NAALADL2: variants seen among roughly 807,000 people sequenced by gnomAD.
The protein encoded by NAALADL2 is N-acetylated alpha-linked acidic dipeptidase like 2.
A neutral mutation model predicts 87.2 loss-of-function variants in NAALADL2; 76 were observed. The ratio of observed to expected loss-of-function variants is 0.87; its 90% CI spans 0.72 to 1.05. The LOEUF (loss-of-function observed/expected upper bound fraction) is 1.05. NAALADL2 is among the 50% of genes least tolerant of loss of function. The probability of loss-of-function intolerance (pLI) is 0.00; values close to 1 mark genes in which losing one functional copy is unlikely to be tolerated. For missense variants in NAALADL2, 1,089 were observed against 945.8 expected (o/e 1.15, Z -1.99); for synonymous variants, 354 against 331.0 (o/e 1.07, Z -0.75).
At chr3:174,951,445 G>C (rs1027503253) in intron 1 of NAALADL2, among the ~76,000 whole-genome samples, 3 of 152,040 alleles carry the variant, frequency 2.0e-5, no homozygotes, top group Admixed American at 6.6e-5. Flanking sequence ...TAGGCGGAGT[G>C]AATTTATTAT....
chr3:174,750,035 A>T (rs1450356338), intron 3 of NAALADL2, among the ~76,000 whole-genome samples: 1 of 152,184 alleles, frequency 6.6e-6, no homozygotes, highest in African/African-American at 2.4e-5. Context: ...AGGTTTACAG[A>T]AAAAAGCCTA....
At chr3:175,675,821 A>T (rs1045025087) in intron 11 of NAALADL2, 1 of 152,158 alleles carries the variant, frequency 6.6e-6, no homozygotes, top group South Asian at 2.1e-4. Flanking sequence ...TCAATAAAAA[A>T]TGGTTTTATT....
At chr3:174,684,309 G>C (rs969104910) in intron 2 of NAALADL2, among the ~76,000 whole-genome samples, 8 of 152,006 alleles carry the variant, frequency 5.3e-5, no homozygotes, top group African/African-American at 1.7e-4. Context: ...ACGACTGAAT[G>C]GGTATTCAAG....
chr3:175,438,946 C>G (rs1719217283), intron 5 of NAALADL2, among the ~76,000 whole-genome samples: 1 of 151,524 alleles, frequency 6.6e-6, no homozygotes, highest in Non-Finnish European at 1.5e-5. Context: ...TTTGGTATAC[C>G]CATCACCCAA....
intron 9 of NAALADL2, among the ~76,000 whole-genome samples, chr3:175,553,331 A>C (rs1437340177): frequency 6.6e-6 from 1 of 152,134 alleles, no homozygotes; most frequent in African/African-American, 2.4e-5. Flanking sequence ...AAAAGAGCAA[A>C]TCATAAGGGA....
intron 9 of NAALADL2, among the ~76,000 whole-genome samples, chr3:175,499,739 A>G (rs944225120): frequency 6.6e-6 from 1 of 152,100 alleles, no homozygotes; most frequent in African/African-American, 2.4e-5. Flanking sequence ...TATTGCACAA[A>G]TTATTGCCTC....
At chr3:175,241,678 G>C (rs116224393) in intron 3 of NAALADL2, among the ~76,000 whole-genome samples, 933 of 152,156 alleles carry the variant, frequency 6.1e-3, no homozygotes, top group Middle Eastern at 0.017. Flanking sequence ...ATATTTGTTA[G>C]AGAGAGTACG....
intron 5 of NAALADL2, among the ~76,000 whole-genome samples, chr3:175,329,600 T>G (rs1377813848): frequency 1.3e-5 from 2 of 152,184 alleles, no homozygotes; most frequent in African/African-American, 4.8e-5. Flanking sequence ...ATGTTAGATA[T>G]TCACAGTATG....
intron 11 of NAALADL2, among the ~76,000 whole-genome samples, chr3:175,707,929 T>C (rs1340921421): frequency 6.6e-6 from 1 of 151,938 alleles, no homozygotes; most frequent in Non-Finnish European, 1.5e-5. Context: ...ATATTCCAAG[T>C]TCAGGAAAAA....
chr3:175,023,775 G>A lies in NAALADL2; in HGVS notation c.44-73015G>A, dbSNP rs148400090. Among the ~76,000 whole-genome samples, 13 of 152,152 alleles carry A rather than the reference G, an allele frequency of 8.5e-5. No individual in the cohort carries two copies. The East Asian group carries it at 2.5e-3, about 29-fold the overall frequency. ...TCCTATAGACAGAGTACAGAGTATG[G>A]CACTTTCAGACATTACAGCTTTACT... On this transcript the variant is annotated intron_variant, in intron 1 of 13. Transcript: ENST00000454872.
chr3:174,806,249 C>G (rs1038725728), intron 3 of NAALADL2, among the ~76,000 whole-genome samples: 37 of 152,262 alleles, frequency 2.4e-4, no homozygotes, highest in African/African-American at 8.2e-4. Context: ...AAGAAGTGAG[C>G]CAAGGGAAAA....
intron 1 of NAALADL2, among the ~76,000 whole-genome samples, chr3:174,922,256 G>C (rs1735333630): frequency 6.6e-6 from 1 of 150,692 alleles, no homozygotes; most frequent in East Asian, 2.0e-4. Context: ...GGGGTATTGA[G>C]CTGTGATCAT....
intron 2 of NAALADL2, among the ~76,000 whole-genome samples, chr3:174,608,872 C>T (rs372267976): frequency 6.6e-6 from 1 of 151,914 alleles, no homozygotes; most frequent in African/African-American, 2.4e-5. Context: ...AACCAGAATT[C>T]TAGACCAATA....
chr3:175,128,075 A>G (rs962050545), intron 2 of NAALADL2, among the ~76,000 whole-genome samples: 2 of 152,202 alleles, frequency 1.3e-5, no homozygotes, highest in African/African-American at 2.4e-5. Flanking sequence ...GTACACATCT[A>G]TGAATGTTAT....
chr3:175,389,804 A>T (rs887676497), intron 5 of NAALADL2, among the ~76,000 whole-genome samples: 2 of 152,134 alleles, frequency 1.3e-5, no homozygotes, highest in African/African-American at 4.8e-5. Flanking sequence ...TCAGGATCAC[A>T]CTCTGTGACT....
chr3:174,681,275 G>A (rs755114018), intron 2 of NAALADL2, among the ~76,000 whole-genome samples: 8 of 152,286 alleles, frequency 5.3e-5, no homozygotes, highest in Admixed American at 5.2e-4. Flanking sequence ...TGCAAGTGCT[G>A]TAATTCCTGG....
intron 3 of NAALADL2, among the ~76,000 whole-genome samples, chr3:174,739,401 CAT>C (rs1193816737): frequency 3.9e-5 from 6 of 152,030 alleles, no homozygotes; most frequent in African/African-American, 1.4e-4. Context: ...TAGGGAGTCA[CAT>C]GTGTTATTTT....
At chr3:175,741,128 A>G (rs1745182475) in intron 12 of NAALADL2, among the ~76,000 whole-genome samples, 1 of 152,200 alleles carries the variant, frequency 6.6e-6, no homozygotes, top group Non-Finnish European at 1.5e-5. Flanking sequence ...CAGGCAGTTA[A>G]AACAAAATAC....
intron 9 of NAALADL2, among the ~76,000 whole-genome samples, chr3:175,556,186 G>A (rs1001235867): frequency 6.6e-6 from 1 of 151,898 alleles, no homozygotes; most frequent in Admixed American, 6.6e-5. Flanking sequence ...AGAAAATAAG[G>A]TTCAAACAAG....
Sources: gnomAD v4.1 joint callset for allele counts (sites outside exome capture counted in the v4.1 genomes callset) on GRCh38, gnomAD v4.1.1 for gene constraint, MANE v1.5 for transcripts, NCBI Gene and HGNC (gene_info 2026-07-23, HGNC 2026-07-21) for gene names.